RBFOX1: variants seen among roughly 807,000 people sequenced by gnomAD.
The protein encoded by RBFOX1 is RNA binding protein fox-1 homolog 1.
In RBFOX1, 8 loss-of-function variants were observed where a neutral mutation model predicts 57.7. The ratio of observed to expected loss-of-function variants is 0.14; its 90% confidence interval spans 0.08 to 0.25. The LOEUF is 0.25. Ranked by LOEUF, RBFOX1 falls within the 10% of genes least tolerant of loss-of-function variation. The pLI, the probability that RBFOX1 is intolerant of heterozygous loss-of-function variation, is 1.00. For missense variants in RBFOX1, 611 were observed against 548.5 expected, an observed-to-expected ratio of 1.11 and a Z score of -1.14; for synonymous variants, 326 against 222.4, an observed-to-expected ratio of 1.47 and a Z score of -4.15.
chr16:5,929,315 C>CCTCTCTCTCTCT (rs112397291), intron 4 of RBFOX1, among the ~76,000 whole-genome samples: 5 of 147,952 alleles, frequency 3.4e-5, no homozygotes, highest in African/African-American at 1.2e-4. Flanking sequence ...CAGTCTTAAG[C>CCTCTCTCTCTCT]CTCTCTCTCT....
At chr16:6,242,260 C>A (rs1165810049) in intron 1 of RBFOX1, among the ~76,000 whole-genome samples, 1 of 152,090 alleles carries the variant, frequency 6.6e-6, no homozygotes, top group East Asian at 1.9e-4. Context: ...TTTATTCAAA[C>A]AGGATCATAT....
intron 1 of RBFOX1, among the ~76,000 whole-genome samples, chr16:5,264,980 G>A (rs1475319202): frequency 1.3e-5 from 2 of 151,928 alleles, no homozygotes; most frequent in African/African-American, 4.8e-5. Context: ...AACCTATTCT[G>A]ACTGATCATG....
At chr16:6,486,639 C>G (rs2095488645) in intron 2 of RBFOX1, among the ~76,000 whole-genome samples, 1 of 147,370 alleles carries the variant, frequency 6.8e-6, no homozygotes, top group South Asian at 2.1e-4. Flanking sequence ...GAGGAAAAAG[C>G]TTGAACCCTT....
At chr16:7,237,492 A>G (rs1264440902) in intron 4 of RBFOX1, among the ~76,000 whole-genome samples, 1 of 152,252 alleles carries the variant, frequency 6.6e-6, no homozygotes, top group African/African-American at 2.4e-5. Context: ...ACATATCTAC[A>G]TATCTCATTA....
intron 3 of RBFOX1, among the ~76,000 whole-genome samples, chr16:6,702,070 C>T (rs904742240): frequency 2.6e-5 from 4 of 152,074 alleles, no homozygotes; most frequent in African/African-American, 7.2e-5. Flanking sequence ...TATAACAAAC[C>T]TGCACATGTA....
At position 7,338,151 on chromosome 16, in the gene RBFOX1, C is replaced by T. The variant is rs1356538621; in HGVS notation, c.28-179996C>T. On this transcript the variant is annotated intron_variant, in intron 4 of 15. Coordinates refer to ENST00000550418, the MANE Select transcript of RBFOX1 (RefSeq NM_018723.4). ...TTGTTTGCTGCACCTATTAACCCAT[C>T]ACCGATGTATTTAGCCCAGGGTGCA... Among the ~76,000 whole-genome samples the T allele has an allele frequency of 5.3e-5, 8 of 152,310 alleles. No individual in the cohort carries two copies. The South Asian group carries it at 1.2e-3, about 24-fold the overall frequency.
intron 3 of RBFOX1, among the ~76,000 whole-genome samples, chr16:5,621,214 G>T (rs2048192227): frequency 6.6e-6 from 1 of 152,030 alleles, no homozygotes; most frequent in South Asian, 2.1e-4. Context: ...TCGGCTCATG[G>T]GATCTTCCCA....
At chr16:7,288,622 C>G (rs533878429) in intron 4 of RBFOX1, among the ~76,000 whole-genome samples, 2 of 152,298 alleles carry the variant, frequency 1.3e-5, no homozygotes, top group East Asian at 3.9e-4. Flanking sequence ...GGGCAGATCA[C>G]TTGAGGTCAG....
chr16:6,894,353 G>A (rs1264526461), intron 3 of RBFOX1, among the ~76,000 whole-genome samples: 1 of 150,662 alleles, frequency 6.6e-6, no homozygotes, highest in South Asian at 2.1e-4. Flanking sequence ...GACTTTGACA[G>A]TCAGTCTCAT....
intron 3 of RBFOX1, among the ~76,000 whole-genome samples, chr16:6,859,667 G>A (rs1310682347): frequency 1.3e-5 from 2 of 152,024 alleles, no homozygotes; most frequent in Admixed American, 1.3e-4. Flanking sequence ...ACTCAATAAT[G>A]GAACCATTTA....
At chr16:5,705,778 G>T (rs963688071) in intron 3 of RBFOX1, among the ~76,000 whole-genome samples, 1 of 152,206 alleles carries the variant, frequency 6.6e-6, no homozygotes, top group Non-Finnish European at 1.5e-5. Flanking sequence ...ATTCTCCTGG[G>T]ATACCGCATC....
At chr16:6,817,532 TA>T (rs71145302) in intron 3 of RBFOX1, among the ~76,000 whole-genome samples, 3,135 of 127,540 alleles carry the variant, frequency 0.025, 58 homozygotes, top group African/African-American at 0.052. Context: ...TTTCTTTGCT[TA>T]AAAAAAAAAA....
intron 4 of RBFOX1, among the ~76,000 whole-genome samples, chr16:7,205,912 C>T (rs1381646911): frequency 1.3e-5 from 2 of 152,186 alleles, no homozygotes; most frequent in Non-Finnish European, 2.9e-5. Context: ...GTCCCCACTT[C>T]GGTGTTTATG....
chr16:7,364,357 T>C (rs1230768758), intron 4 of RBFOX1, among the ~76,000 whole-genome samples: 1 of 151,936 alleles, frequency 6.6e-6, no homozygotes, highest in Non-Finnish European at 1.5e-5. Context: ...AATTTGTCCT[T>C]TTTAAGAGGA....
At chr16:7,387,562 C>T (rs1398327856) in intron 4 of RBFOX1, among the ~76,000 whole-genome samples, 1 of 152,170 alleles carries the variant, frequency 6.6e-6, no homozygotes, top group East Asian at 1.9e-4. Context: ...TGATCTCAAA[C>T]TGTGAAATAA....
intron 1 of RBFOX1, among the ~76,000 whole-genome samples, chr16:5,248,727 C>A (rs1445286960): frequency 6.6e-6 from 1 of 152,140 alleles, no homozygotes; most frequent in African/African-American, 2.4e-5. Context: ...CGGTGGCTCA[C>A]ACCTGTAATC....
chr16:7,615,250 G>A (rs975780326), intron 10 of RBFOX1, among the ~76,000 whole-genome samples: 3 of 152,056 alleles, frequency 2.0e-5, no homozygotes, highest in Non-Finnish European at 4.4e-5. Flanking sequence ...GGAGAATGGC[G>A]TGAACCTGGG....
intron 3 of RBFOX1, among the ~76,000 whole-genome samples, chr16:6,665,374 G>T (rs903323003): frequency 3.9e-5 from 6 of 152,198 alleles, no homozygotes; most frequent in African/African-American, 1.4e-4. Flanking sequence ...AGCCCTTTGG[G>T]AGGCCCAGGT....
intron 3 of RBFOX1, among the ~76,000 whole-genome samples, chr16:6,746,970 C>T (rs1356829625): frequency 6.6e-6 from 1 of 152,102 alleles, no homozygotes; most frequent in East Asian, 1.9e-4. Flanking sequence ...TCTCATCTCT[C>T]CTGTGGAGCT....
Sources: gnomAD v4.1 joint callset for allele counts (sites outside exome capture counted in the v4.1 genomes callset) on GRCh38, gnomAD v4.1.1 for gene constraint, MANE v1.5 for transcripts, NCBI Gene and HGNC (gene_info 2026-07-23, HGNC 2026-07-21) for gene names.